The following CNTLN variants were observed in gnomAD, a reference collection of about 807,000 sequenced individuals.
The protein encoded by CNTLN is centlein, centrosomal protein.
CNTLN carries 212 observed loss-of-function variants against 180.0 expected under a neutral mutation model. That is an observed-to-expected ratio of 1.18 (90% CI 1.05 to 1.32). The LOEUF (loss-of-function observed/expected upper bound fraction) is 1.32, where lower values mean the gene tolerates loss of function less well. Among genes scored for constraint, CNTLN ranks in the 40% most tolerant of loss-of-function variants. The pLI is 0.00. For synonymous variants in CNTLN, 722 were observed against 563.1 expected (o/e 1.28, Z -3.99); for missense variants, 2,095 against 1,610.9 (o/e 1.30, Z -5.14).
intron 23 of CNTLN, among the ~76,000 whole-genome samples, chr9:17,482,144 C>A (rs368279711): frequency 2.6e-5 from 4 of 152,068 alleles, no homozygotes; most frequent in African/African-American, 9.7e-5. Flanking sequence ...GATTAGCCCT[C>A]TTAAAGTTCA....
At chr9:17,294,783 G>C (rs1315665747) in intron 6 of CNTLN, among the ~76,000 whole-genome samples, 13 of 27,012 alleles carry the variant, frequency 4.8e-4, no homozygotes, top group Non-Finnish European at 9.8e-4. Flanking sequence ...GGGAGTGAGG[G>C]GAGGGAGGGG....
chr9:17,509,158 T>A, the CNTLN span, among the ~76,000 whole-genome samples: 2 of 152,292 alleles, frequency 1.3e-5, no homozygotes, highest in Admixed American at 6.5e-5. Flanking sequence ...GAAGCAGGAA[T>A]TTTCACTCAC....
At chr9:17,156,943 G>A (rs1469424169) in intron 2 of CNTLN, among the ~76,000 whole-genome samples, 1 of 152,196 alleles carries the variant, frequency 6.6e-6, no homozygotes, top group African/African-American at 2.4e-5. Flanking sequence ...TAGGTACAAA[G>A]TTGTATTTAA....
At chr9:17,288,395 T>C (rs1829134280) in intron 6 of CNTLN, among the ~76,000 whole-genome samples, 1 of 138,594 alleles carries the variant, frequency 7.2e-6, no homozygotes, top group South Asian at 2.7e-4. Context: ...ATTTCTGTTC[T>C]TTTACATTTG....
chr9:17,271,339 A>T (rs1452684522), intron 5 of CNTLN, among the ~76,000 whole-genome samples: 3 of 152,148 alleles, frequency 2.0e-5, no homozygotes, highest in Non-Finnish European at 2.9e-5. Flanking sequence ...ATGGAAACCC[A>T]GGCTGGAATT....
In CNTLN at chr9:17,415,797, CATG is replaced by C. The variant is rs1023510365; in HGVS notation, c.2809_2811del (p.Asp937del). ...AAATCTTCAAATTTAGGACTATTTT[CATG>C]ATAAGAATGCCAAAAAACCAACTTT... On this transcript the variant is annotated inframe_deletion, in exon 17 of 26. Coordinates refer to ENST00000380647, the MANE Select transcript of CNTLN (RefSeq NM_017738.4). 1 of 1,598,794 alleles carries C rather than the reference CATG, an allele frequency of 6.3e-7. No individual in the cohort carries two copies. Among genetic ancestry groups the C allele is most frequent in the African/African-American group, 1.3e-5 (1 of 74,512 alleles).
intron 6 of CNTLN, among the ~76,000 whole-genome samples, chr9:17,295,995 A>AGT (rs1458176532): frequency 6.0e-4 from 51 of 84,978 alleles, no homozygotes; most frequent in Non-Finnish European, 8.5e-4. Context: ...AGAGAGAGAG[A>AGT]GAGTGTGTGT....
chr9:17,155,705 G>C (rs974843896), intron 2 of CNTLN, among the ~76,000 whole-genome samples: 5 of 152,136 alleles, frequency 3.3e-5, no homozygotes, highest in East Asian at 1.9e-4. Flanking sequence ...TGGGCTCAGT[G>C]GGGGTGGGAC....
chr9:17,307,297 C>A (rs1818786076), intron 7 of CNTLN, among the ~76,000 whole-genome samples: 2 of 151,958 alleles, frequency 1.3e-5, no homozygotes, highest in Non-Finnish European at 2.9e-5. Context: ...AAGACAGTGT[C>A]TCCCCATGTC....
intron 25 of CNTLN, among the ~76,000 whole-genome samples, chr9:17,499,344 C>G (rs1289512703): frequency 6.6e-6 from 1 of 152,130 alleles, no homozygotes; most frequent in Admixed American, 6.6e-5. Context: ...TAAGTAATAA[C>G]TCTCAATTAA....
chr9:17,401,737 T>C (rs1299989576), intron 15 of CNTLN, among the ~76,000 whole-genome samples: 2 of 151,848 alleles, frequency 1.3e-5, no homozygotes, highest in Non-Finnish European at 2.9e-5. Context: ...CAAGATTACT[T>C]GTTTATAACT....
rs747684277 is a variant in CNTLN at position 17,330,785 on chromosome 9, A to C, written c.1495A>C (p.Thr499Pro). 44 of 1,608,344 alleles carry C rather than the reference A, an allele frequency of 2.7e-5. No homozygotes were observed. Among genetic ancestry groups the C allele is most frequent in the Non-Finnish European group, 3.6e-5 (42 of 1,177,282 alleles). ...GGGTTTCTCCCGAAAGAGCATCATG[A>C]CAAGTGCTGAAGGAAAACATAAGGT... Reference protein sequence around the residue: ...NKGFSRKSIMTSAEGKHKEPP... With the variant: ...NKGFSRKSIMPSAEGKHKEPP... Residue 499 changes from threonine to proline, a missense_variant, in exon 9 of 26, where the codon ACA (threonine) becomes CCA (proline). Physicochemically the swap from Thr to Pro is conservative, Grantham distance 38. Transcript: ENST00000380647.
intron 18 of CNTLN, among the ~76,000 whole-genome samples, chr9:17,420,793 T>C (rs543121366): frequency 6.6e-6 from 1 of 152,268 alleles, no homozygotes; most frequent in South Asian, 2.1e-4. Flanking sequence ...ATTTTCCTCT[T>C]AATTTCTTGT....
chr9:17,158,324 C>G lies in CNTLN; in HGVS notation c.449+14948C>G, dbSNP rs561830999. Reference sequence around the variant, plus strand: ...TATGTTGCTGAGGACTTTTACATACCTATTTATAAGAGGTACTATAGTTTT... The same window carrying G: ...TATGTTGCTGAGGACTTTTACATACGTATTTATAAGAGGTACTATAGTTTT... On this transcript the variant is annotated intron_variant, in intron 2 of 25. Coordinates refer to ENST00000380647, the MANE Select transcript of CNTLN (RefSeq NM_017738.4). 3.3e-5 allele frequency among the ~76,000 whole-genome samples: 5 copies of G among 152,094 alleles called. No individual in the cohort carries two copies. In the South Asian group the frequency reaches 8.3e-4, roughly 25 times the overall value.
Position 17,142,387 on chromosome 9 carries a change from G to A in CNTLN, c.361-901G>A, listed in dbSNP as rs1818166492. Among the ~76,000 whole-genome samples the A allele has an allele frequency of 3.9e-5, 6 of 152,236 alleles. No individual in the cohort carries two copies. The South Asian group carries it at 1.2e-3, about 32-fold the overall frequency. On this transcript the variant is annotated intron_variant, in intron 1 of 25. Coordinates refer to ENST00000380647, the MANE Select transcript of CNTLN (RefSeq NM_017738.4). ...CACTGTTTTAGATCTTTGAATAAAT[G>A]AATAGATGGCAGTATCAATTTCTGG...
At position 17,235,757 on chromosome 9, in the gene CNTLN, G is replaced by C. The variant is rs201402782; in HGVS notation, c.634G>C (p.Glu212Gln). 5.6e-6 allele frequency: 9 copies of C among 1,603,396 alleles called. No homozygotes were observed. Among genetic ancestry groups the C allele is most frequent in the Middle Eastern group, 1.7e-4 (1 of 6,008 alleles). ...CTTAAGGAAAGAATTCAGTGACTTG[G>C]AGAAGAAATTTAAAGATAAAAGTCA... Reference protein sequence around the residue: ...AFLRKEFSDLEKKFKDKSQEI... With the variant: ...AFLRKEFSDLQKKFKDKSQEI... The change falls in exon 4 of 26, where the codon GAG becomes CAG. Residue 212 changes from glutamate to glutamine, a missense_variant. Glu to Gln is a conservative substitution (Grantham distance 29). Coordinates refer to ENST00000380647, the MANE Select transcript of CNTLN (RefSeq NM_017738.4).
chr9:17,429,221 G>T (rs1829267977), intron 18 of CNTLN, among the ~76,000 whole-genome samples: 1 of 152,014 alleles, frequency 6.6e-6, no homozygotes, highest in African/African-American at 2.4e-5. Context: ...ATTTATCTGA[G>T]CTTGTCTTAT....
chr9:17,443,083 G>A (rs1588006141), intron 18 of CNTLN, among the ~76,000 whole-genome samples: 1 of 151,684 alleles, frequency 6.6e-6, no homozygotes, highest in Non-Finnish European at 1.5e-5. Context: ...GAAGTTAGAT[G>A]CATTCTTTTT....
At chr9:17,217,421 T>C (rs117706661) in intron 2 of CNTLN, among the ~76,000 whole-genome samples, 201 of 152,314 alleles carry the variant, frequency 1.3e-3, no homozygotes, top group Non-Finnish European at 2.4e-3. Context: ...GACATGATAA[T>C]TGTAGTCAAG....
Sources: gnomAD v4.1 joint callset for allele counts (sites outside exome capture counted in the v4.1 genomes callset) on GRCh38, gnomAD v4.1.1 for gene constraint, MANE v1.5 for transcripts, NCBI Gene and HGNC (gene_info 2026-07-23, HGNC 2026-07-21) for gene names.